The following FAM83B variants were observed in gnomAD, a reference collection of about 807,000 sequenced individuals.
The protein encoded by FAM83B is protein FAM83B.
A neutral mutation model predicts 38.8 loss-of-function variants in FAM83B; 26 were observed. The observed-to-expected ratio is 0.67, with a 90% confidence interval of 0.49 to 0.93. FAM83B has a LOEUF of 0.93. Ranked by LOEUF, FAM83B falls within the 40% of genes least tolerant of loss-of-function variation. FAM83B has a pLI of 0.00. For synonymous variants in FAM83B, 419 were observed against 423.1 expected, an observed-to-expected ratio of 0.99 and a Z score of 0.12; for missense variants, 1,237 against 1,197.3, an observed-to-expected ratio of 1.03 and a Z score of -0.49.
intron 2 of FAM83B, among the ~76,000 whole-genome samples, chr6:54,880,747 G>A (rs1772116323): frequency 6.6e-6 from 1 of 152,014 alleles, no homozygotes; most frequent in African/African-American, 2.4e-5. Flanking sequence ...CCAGTCGAAG[G>A]TTTATTTTTT....
chr6:54,857,589 G>A (rs1206696609), intron 1 of FAM83B, among the ~76,000 whole-genome samples: 1 of 152,084 alleles, frequency 6.6e-6, no homozygotes, highest in Non-Finnish European at 1.5e-5. Flanking sequence ...GAATTTACTT[G>A]TAATGTAAGA....
At chr6:54,849,570 A>T (rs941754713) in intron 1 of FAM83B, among the ~76,000 whole-genome samples, 1 of 151,814 alleles carries the variant, frequency 6.6e-6, no homozygotes, top group Non-Finnish European at 1.5e-5. Context: ...TGCTGTAAGG[A>T]AGGTGAGCCT....
intron 2 of FAM83B, among the ~76,000 whole-genome samples, chr6:54,911,989 C>A (rs964342594): frequency 6.6e-6 from 1 of 151,934 alleles, no homozygotes; most frequent in African/African-American, 2.4e-5. Context: ...ATGTACTGCT[C>A]CAAGATAATT....
intron 2 of FAM83B, among the ~76,000 whole-genome samples, chr6:54,876,059 T>C (rs1019983096): frequency 2.6e-5 from 4 of 152,082 alleles, no homozygotes; most frequent in African/African-American, 9.7e-5. Flanking sequence ...CTCTGCAGTG[T>C]ATTATCAGGT....
chr6:54,925,007 G>C (rs1773256575), intron 2 of FAM83B, among the ~76,000 whole-genome samples: 1 of 152,056 alleles, frequency 6.6e-6, no homozygotes, highest in Non-Finnish European at 1.5e-5. Flanking sequence ...AGATACTGAA[G>C]GCTTTTAGTG....
In FAM83B at chr6:54,940,251, C is replaced by T; in HGVS notation, c.1280C>T (p.Ser427Phe). Residue 427 changes from serine (S) to phenylalanine (F), a missense_variant, in exon 5 of 5, where the codon TCC (serine) becomes TTC (phenylalanine). Transcript: ENST00000306858. ...CCATCTGATAGTCTCAGTGTGGCGTCCTCATCACGGGAAGGCTATGTAAGC... is the reference window on the plus strand; with the variant it reads ...CCATCTGATAGTCTCAGTGTGGCGTTCTCATCACGGGAAGGCTATGTAAGC... ...KKPSDSLSVA[S>F]SSREGYVSHH... is the part of the protein sequence containing the mutation. 6.2e-7 allele frequency: 1 copy of T among 1,614,060 alleles called. No homozygotes were observed. Among genetic ancestry groups the T allele is most frequent in the South Asian group, 1.1e-5 (1 of 91,082 alleles).
intron 1 of FAM83B, among the ~76,000 whole-genome samples, chr6:54,854,860 A>T (rs1007383121): frequency 1.3e-5 from 2 of 152,234 alleles, no homozygotes; most frequent in African/African-American, 4.8e-5. Context: ...CTCTGTAAAC[A>T]TTGTAAACAC....
chr6:54,920,848 T>C (rs2127587060), intron 2 of FAM83B, among the ~76,000 whole-genome samples: 1 of 152,010 alleles, frequency 6.6e-6, no homozygotes, highest in East Asian at 1.9e-4. Flanking sequence ...AGACACATTT[T>C]CCCAACACAC....
At chr6:54,924,216 C>T (rs1362579901) in intron 2 of FAM83B, among the ~76,000 whole-genome samples, 24 of 150,468 alleles carry the variant, frequency 1.6e-4, no homozygotes, top group Admixed American at 1.1e-3. Context: ...CACACACACA[C>T]GCACACACCA....
rs138449348 is a variant in FAM83B, at chr6:54,944,934, G to A, written c.*2927G>A. On this transcript the variant is annotated 3_prime_UTR_variant, in exon 5 of 5. Coordinates refer to ENST00000306858, the MANE Select transcript of FAM83B (RefSeq NM_001010872.3). ...TTAAGAGATGGGTTTTCACTAGTATGCCCAGTCTGGACTCCAAGTCCTGGG... is the reference window on the plus strand; with the variant it reads ...TTAAGAGATGGGTTTTCACTAGTATACCCAGTCTGGACTCCAAGTCCTGGG... The A allele has an allele frequency of 9.1e-4, 139 of 152,236 alleles. No homozygotes were observed. The highest frequency in any genetic ancestry group is 3.1e-3 in the African/African-American group (129 of 41,540). 9.4% of individuals were successfully genotyped at this position (152,236 alleles called of 1,614,324 possible).
chr6:54,871,445 G>A (rs954728761), intron 2 of FAM83B, among the ~76,000 whole-genome samples: 3 of 151,432 alleles, frequency 2.0e-5, no homozygotes, highest in Non-Finnish European at 2.9e-5. Flanking sequence ...AAGGCTGGGC[G>A]TGGTGGCTCA....
intron 1 of FAM83B, among the ~76,000 whole-genome samples, chr6:54,859,313 G>T (rs572566984): frequency 6.6e-6 from 1 of 152,202 alleles, no homozygotes; most frequent in Admixed American, 6.5e-5. Context: ...GCACACCTTG[G>T]CCTCCCAAAG....
chr6:54,849,777 T>G (rs1388062839), intron 1 of FAM83B, among the ~76,000 whole-genome samples: 1 of 128,352 alleles, frequency 7.8e-6, no homozygotes, highest in Non-Finnish European at 1.7e-5. Context: ...GCACATGACA[T>G]TTATCTTTTC....
chr6:54,909,803 A>T (rs968347352), intron 2 of FAM83B, among the ~76,000 whole-genome samples: 2 of 152,300 alleles, frequency 1.3e-5, no homozygotes, highest in East Asian at 3.9e-4. Context: ...GGCTCGGAGA[A>T]TTGGCAAAGG....
chr6:54,915,070 A>G (rs867851138), intron 2 of FAM83B, among the ~76,000 whole-genome samples: 4 of 151,630 alleles, frequency 2.6e-5, no homozygotes, highest in Non-Finnish European at 5.9e-5. Flanking sequence ...TATTCTTTTG[A>G]TGTTCACCCA....
At chr6:54,895,640 A>G (rs914153655) in intron 2 of FAM83B, among the ~76,000 whole-genome samples, 5 of 152,144 alleles carry the variant, frequency 3.3e-5, no homozygotes, top group African/African-American at 1.2e-4. Context: ...TATTTTATGT[A>G]GTATGTATGT....
At chr6:54,869,988 A>C (rs1771805497) in intron 1 of FAM83B, among the ~76,000 whole-genome samples, 199 bp from the exon 2 acceptor site, 1 of 152,200 alleles carries the variant, frequency 6.6e-6, no homozygotes, top group Admixed American at 6.5e-5. Flanking sequence ...GCAATCTGTA[A>C]GGGAAATCTG....
rs777906166 is a variant in FAM83B, at chr6:54,927,555, A to T, written c.657A>T (p.Thr219=). The stretch of plus-strand genomic sequence containing the variant: ...AAGGCCAAGATTATCTTTCAAAAAC[A>T]GGGGCAAAATTCCATGGAAAAATGG... The part of the protein sequence containing the change: ...TVKGQDYLSK[T]GAKFHGKMEQ... Residue 219 remains threonine (T), a synonymous_variant, in exon 4 of 5, where the codon ACA becomes ACT. Coordinates refer to ENST00000306858, the MANE Select transcript of FAM83B (RefSeq NM_001010872.3). 7 of 1,608,864 alleles carry T rather than the reference A, an allele frequency of 4.4e-6. No individual in the cohort carries two copies. In the Admixed American group the frequency reaches 1.0e-4, roughly 23 times the overall value.
chr6:54,925,117 C>T (rs115531036), intron 2 of FAM83B, among the ~76,000 whole-genome samples: 211 of 152,210 alleles, frequency 1.4e-3, no homozygotes, highest in South Asian at 4.4e-3. Flanking sequence ...TTTCCTCTGC[C>T]TGCAACAGTC....
Sources: gnomAD v4.1 joint callset for allele counts (sites outside exome capture counted in the v4.1 genomes callset) on GRCh38, gnomAD v4.1.1 for gene constraint, MANE v1.5 for transcripts, NCBI Gene and HGNC (gene_info 2026-07-23, HGNC 2026-07-21) for gene names.